Variants in CHN2 observed in about 807,000 individuals in gnomAD.
CHN2 encodes the protein beta-chimaerin.
CHN2 carries 35 observed loss-of-function variants against 56.3 expected under a neutral mutation model. The ratio of observed to expected loss-of-function variants is 0.62; its 90% CI spans 0.47 to 0.82. CHN2 has a LOEUF of 0.82. CHN2 is among the 40% of genes least tolerant of loss of function. CHN2 has a pLI of 0.00. For missense variants in CHN2, 491 were observed against 580.5 expected (o/e 0.85, Z 1.58); for synonymous variants, 210 against 212.8 (o/e 0.99, Z 0.12).
chr7:29,274,783 C>T lies in CHN2; in HGVS notation c.49+79793C>T, dbSNP rs1791046945. Among the ~76,000 whole-genome samples, 3 of 152,194 alleles carry T rather than the reference C, an allele frequency of 2.0e-5. No individual in the cohort carries two copies. In the South Asian group the frequency reaches 6.2e-4, roughly 31 times the overall value. Reference sequence around the variant, plus strand: ...TTTTTAATGTGGCTAGAAAAATATTCAGCTTTGTTCTTTGTCCTTTAGGAA... The same window carrying T: ...TTTTTAATGTGGCTAGAAAAATATTTAGCTTTGTTCTTTGTCCTTTAGGAA... On this transcript the variant is annotated intron_variant, in intron 1 of 12. Transcript: ENST00000222792.
chr7:29,512,539 T>C (rs778433204), intron 12 of CHN2, 25 bp from the exon 13 acceptor site: 1 of 1,589,186 alleles, frequency 6.3e-7, no homozygotes, highest in Non-Finnish European at 8.6e-7. Context: ...CCATAATGTC[T>C]CTGTTCTATA....
intron 7 of CHN2, among the ~76,000 whole-genome samples, chr7:29,493,090 G>T (rs1348392705): frequency 6.6e-6 from 1 of 152,096 alleles, no homozygotes; most frequent in African/African-American, 2.4e-5. Flanking sequence ...GCTTCCCTAT[G>T]TAAGTGTACC....
chr7:29,183,527 C>T (rs1414190892), intron 2 of CHN2, among the ~76,000 whole-genome samples: 1 of 151,522 alleles, frequency 6.6e-6, no homozygotes, highest in African/African-American at 2.4e-5. Flanking sequence ...CAAGTGTGTG[C>T]CACCACACCT....
Position 29,464,781 on chromosome 7 carries a change from A to G in CHN2, c.577-15498A>G, listed in dbSNP as rs1283872497. On this transcript the variant is annotated intron_variant, in intron 6 of 12. Transcript: ENST00000222792. ...AAGAAGCCTGCTGCATCACAGGAAC[A>G]GGGAGCTCCATCTGCTTCCAGCACC... Among the ~76,000 whole-genome samples the G allele has an allele frequency of 3.3e-5, 5 of 152,332 alleles. No homozygotes were observed. In the East Asian group the frequency reaches 9.7e-4, roughly 29 times the overall value.
chr7:29,471,297 C>T (rs943383339), intron 6 of CHN2, among the ~76,000 whole-genome samples: 3 of 152,174 alleles, frequency 2.0e-5, no homozygotes, highest in African/African-American at 7.2e-5. Context: ...TGCGCGAGAT[C>T]CTTAATGCAA....
rs1438357747 is a variant in CHN2 at position 29,478,365 on chromosome 7, C to T, written c.577-1914C>T. Among the ~76,000 whole-genome samples the T allele has an allele frequency of 2.0e-5, 3 of 152,084 alleles. 1 individual carries two copies. The highest frequency in any genetic ancestry group is 7.2e-5 in the African/African-American group (3 of 41,410). ...CCAGCAATGCCAGGACACAGTTAAG[C>T]TATGGAGAAGCATGGGTGGATTAGG... On this transcript the variant is annotated intron_variant, in intron 6 of 12. Transcript: ENST00000222792.
chr7:29,445,632 G>T (rs2128127082), intron 6 of CHN2, among the ~76,000 whole-genome samples: 1 of 151,800 alleles, frequency 6.6e-6, no homozygotes, highest in East Asian at 1.9e-4. Context: ...ACCCATTATT[G>T]TTTTTGTTGC....
At chr7:29,255,390 G>C (rs12700947) in intron 1 of CHN2, among the ~76,000 whole-genome samples, 19,854 of 152,146 alleles carry the variant, frequency 0.13, 1,724 homozygotes, top group Non-Finnish European at 0.19. Context: ...AAATCTTGGG[G>C]CGTGGGAAGG....
At chr7:29,328,001 G>A (rs1421695314) in intron 1 of CHN2, among the ~76,000 whole-genome samples, 1 of 152,148 alleles carries the variant, frequency 6.6e-6, no homozygotes, top group Non-Finnish European at 1.5e-5. Flanking sequence ...GTCAGACATG[G>A]ATTCTATAGA....
intron 1 of CHN2, chr7:29,199,593 G>A (rs1171353432): frequency 6.6e-6 from 1 of 152,206 alleles, no homozygotes; most frequent in Non-Finnish European, 1.5e-5. Context: ...AACCCTGTGA[G>A]AGAAATTATT....
At chr7:29,459,899 G>GC (rs1310639984) in intron 6 of CHN2, among the ~76,000 whole-genome samples, 1 of 152,200 alleles carries the variant, frequency 6.6e-6, no homozygotes, top group Non-Finnish European at 1.5e-5. Flanking sequence ...GGAAAGAGGA[G>GC]CAGGACGGGG....
At chr7:29,370,989 C>T (rs1439037288) in intron 3 of CHN2, among the ~76,000 whole-genome samples, 1 of 152,198 alleles carries the variant, frequency 6.6e-6, no homozygotes, top group African/African-American at 2.4e-5. Flanking sequence ...CACTTACTCT[C>T]TCAGGGAGAT....
chr7:29,228,620 T>G (rs929399408), intron 1 of CHN2, among the ~76,000 whole-genome samples: 15 of 152,248 alleles, frequency 9.9e-5, no homozygotes, highest in African/African-American at 3.6e-4. Flanking sequence ...ATTACATCTT[T>G]AAAATGACTA....
chr7:29,422,303 T>C (rs922412270), intron 6 of CHN2, among the ~76,000 whole-genome samples: 2 of 152,182 alleles, frequency 1.3e-5, no homozygotes, highest in African/African-American at 2.4e-5. Context: ...ACCTGATGGA[T>C]GTCAAATACA....
intron 1 of CHN2, 168 bp downstream of exon 1, chr7:29,195,158 C>T (rs1339502207): frequency 5.0e-6 from 3 of 598,166 alleles, no homozygotes; most frequent in African/African-American, 2.0e-5. Flanking sequence ...ACCTCGGTGC[C>T]CAGAGCACCT....
chr7:29,258,134 C>T (rs1410121410), intron 1 of CHN2, among the ~76,000 whole-genome samples: 2 of 152,124 alleles, frequency 1.3e-5, no homozygotes, highest in Non-Finnish European at 2.9e-5. Flanking sequence ...CTCTTGCCTA[C>T]AGATTTTTGG....
chr7:29,279,039 T>C (rs1484522870), intron 1 of CHN2, among the ~76,000 whole-genome samples: 1 of 151,100 alleles, frequency 6.6e-6, no homozygotes, highest in Non-Finnish European at 1.5e-5. Context: ...TGCTTCCTTC[T>C]CTCTGCAATG....
chr7:29,337,010 C>T lies in CHN2; in HGVS notation c.50-17615C>T, dbSNP rs111510498. Among the ~76,000 whole-genome samples the T allele has an allele frequency of 3.4e-3, 511 of 152,154 alleles. 2 individuals are homozygous for T. Among genetic ancestry groups the T allele is most frequent in the African/African-American group, 0.012 (494 of 41,508 alleles). On this transcript the variant is annotated intron_variant, in intron 1 of 12. Transcript: ENST00000222792. ...GCTCCTGTCTTCCGGCACCCACCAC[C>T]CTTGCATGCACTCCTTCATACACTC...
At chr7:29,502,731 T>G (rs1790107436) in intron 9 of CHN2, among the ~76,000 whole-genome samples, 2 of 150,158 alleles carry the variant, frequency 1.3e-5, no homozygotes, top group Admixed American at 1.3e-4. Flanking sequence ...GCATATTATA[T>G]AAGGCATAGA....
Sources: allele counts gnomAD v4.1 joint callset (sites outside exome capture counted in the v4.1 genomes callset), GRCh38; gene constraint gnomAD v4.1.1; transcripts MANE v1.5; gene names NCBI Gene and HGNC (gene_info 2026-07-23, HGNC 2026-07-21).